FRAS1: variants seen among roughly 807,000 people sequenced by gnomAD.
FRAS1 encodes the protein extracellular matrix organizing protein FRAS1.
In FRAS1, 290 loss-of-function variants were observed where a neutral mutation model predicts 435.2. The observed-to-expected ratio is 0.67, with a 90% CI of 0.61 to 0.73. The LOEUF is 0.73. Among genes scored for constraint, FRAS1 ranks in the 30% least tolerant of loss-of-function variants. FRAS1 has a pLI of 0.00. For missense variants in FRAS1, 4,860 were observed against 5,001.5 expected (o/e 0.97, Z 0.85); for synonymous variants, 1,800 against 1,851.0 (o/e 0.97, Z 0.71).
chr4:78,475,665 C>A (rs1049962294), intron 54 of FRAS1, 59 bp downstream of exon 54: 31 of 1,443,456 alleles, frequency 2.1e-5, no homozygotes, highest in Non-Finnish European at 2.9e-5. Context: ...TGGCTGCAAG[C>A]AATTGTGGCA....
intron 2 of FRAS1, among the ~76,000 whole-genome samples, chr4:78,148,124 T>C (rs1336004781): frequency 1.3e-5 from 2 of 152,156 alleles, no homozygotes; most frequent in Non-Finnish European, 2.9e-5. Context: ...AATGAGGAGT[T>C]ATTTGGGATT....
intron 18 of FRAS1, among the ~76,000 whole-genome samples, chr4:78,328,355 A>G (rs61637745): frequency 0.052 from 7,993 of 152,268 alleles, 369 homozygotes; most frequent in East Asian, 0.27. Context: ...TAGGGATTTT[A>G]GCAATCTTGT....
At chr4:78,115,193 TG>T (rs1743060567) in intron 2 of FRAS1, among the ~76,000 whole-genome samples, 1 of 151,352 alleles carries the variant, frequency 6.6e-6, no homozygotes, top group Non-Finnish European at 1.5e-5. Context: ...TTGATCATGG[TG>T]GATACGCTTA....
Position 78,446,830 on chromosome 4 carries a change from A to G in FRAS1, c.5960A>G (p.Asp1987Gly), listed in dbSNP as rs754114272. 1.1e-5 allele frequency: 18 copies of G among 1,612,716 alleles called. No homozygotes were observed. In the East Asian group the frequency reaches 1.8e-4, roughly 16 times the overall value. ...TCTTCTTTGAGCCTGCAAGACCTGG[A>G]CACCCCAGATAATGAGCTCATTTTT... ...SNSSLSLQDL[D>G]TPDNELIFVL... is the part of the protein sequence containing the mutation. The change falls in exon 43 of 74, where the codon GAC (aspartate) becomes GGC (glycine). Residue 1987 changes from aspartate to glycine, a missense_variant. Coordinates refer to ENST00000512123, the MANE Select transcript of FRAS1 (RefSeq NM_025074.7).
At chr4:78,370,054 T>G in intron 23 of FRAS1, 70 bp downstream of exon 23, 10 of 1,477,196 alleles carry the variant, frequency 6.8e-6, no homozygotes, top group Non-Finnish European at 8.3e-6. Flanking sequence ...GATGTCTAGT[T>G]TTCCATATTG....
chr4:78,225,674 T>C (rs1210898482), intron 2 of FRAS1, among the ~76,000 whole-genome samples: 1 of 152,262 alleles, frequency 6.6e-6, no homozygotes, highest in African/African-American at 2.4e-5. Context: ...TACCATGTGA[T>C]AGATCCTCAG....
At chr4:78,482,026 A>C in intron 57 of FRAS1, 62 bp downstream of exon 57, 1 of 1,537,984 alleles carries the variant, frequency 6.5e-7, no homozygotes, top group Non-Finnish European at 8.9e-7. Flanking sequence ...TGTTGTCTTT[A>C]GTTTGCTTCC....
chr4:78,479,331 G>T, intron 55 of FRAS1, 43 bp from the exon 56 acceptor site: 2 of 1,305,980 alleles, frequency 1.5e-6, no homozygotes, highest in Non-Finnish European at 2.0e-6. Flanking sequence ...AATCTGAGAA[G>T]CACTCATTCA....
chr4:78,143,833 G>A (rs1365568489), intron 2 of FRAS1, among the ~76,000 whole-genome samples: 1 of 149,724 alleles, frequency 6.7e-6, no homozygotes, highest in Non-Finnish European at 1.5e-5. Flanking sequence ...GAGCCCAGGG[G>A]ACAAAGGTTG....
chr4:78,430,249 C>G (rs551451252), intron 36 of FRAS1, 43 bp from the exon 37 acceptor site: 1 of 1,612,494 alleles, frequency 6.2e-7, no homozygotes, highest in East Asian at 2.2e-5. Flanking sequence ...TCGTCTTTAA[C>G]ATACGCTTTC....
chr4:78,122,088 A>G (rs990340010), intron 2 of FRAS1, among the ~76,000 whole-genome samples: 6 of 152,116 alleles, frequency 3.9e-5, no homozygotes, highest in Non-Finnish European at 8.8e-5. Flanking sequence ...TCAACCAGTC[A>G]CCTGCATTAG....
chr4:78,533,020 T>C (rs1301113406), intron 70 of FRAS1, among the ~76,000 whole-genome samples: 2 of 152,208 alleles, frequency 1.3e-5, no homozygotes, highest in Non-Finnish European at 2.9e-5. Flanking sequence ...TGCTGGGTCA[T>C]GTAATAGTTC....
rs1440411797 is a variant in FRAS1 at position 78,413,068 on chromosome 4, G to A, written c.4408G>A (p.Ala1470Thr). The change falls in exon 32 of 74, where the codon GCA becomes ACA. Residue 1470 changes from alanine (A) to threonine (T), a missense_variant. Coordinates refer to ENST00000512123, the MANE Select transcript of FRAS1 (RefSeq NM_025074.7). The part of the protein sequence containing the change: ...TPEAPKVSLE[A>T]SLHMTAREDG... Reference sequence around the variant, plus strand: ...TGAAGCACCTAAAGTGTCTCTGGAAGCATCTCTCCATATGACTGTGAGTTG... The same window carrying A: ...TGAAGCACCTAAAGTGTCTCTGGAAACATCTCTCCATATGACTGTGAGTTG... 2 of 1,605,398 alleles carry A rather than the reference G, an allele frequency of 1.2e-6. No individual in the cohort carries two copies. The highest frequency in any genetic ancestry group is 2.2e-5 in the South Asian group (2 of 89,552).
At chr4:78,146,273 T>C (rs1720418403) in intron 2 of FRAS1, among the ~76,000 whole-genome samples, 1 of 152,184 alleles carries the variant, frequency 6.6e-6, no homozygotes, top group South Asian at 2.1e-4. Flanking sequence ...TACTTTTAGC[T>C]CTTCCTTTGG....
intron 29 of FRAS1, among the ~76,000 whole-genome samples, chr4:78,389,917 G>A (rs1404343522): frequency 6.6e-6 from 1 of 152,154 alleles, no homozygotes; most frequent in African/African-American, 2.4e-5. Flanking sequence ...TGTGAGTCAT[G>A]TAGGTATTTT....
intron 2 of FRAS1, among the ~76,000 whole-genome samples, chr4:78,204,725 A>G (rs1383809938): frequency 2.0e-5 from 3 of 152,152 alleles, no homozygotes; most frequent in Non-Finnish European, 2.9e-5. Flanking sequence ...ACTCTGAACT[A>G]TTTGGATTGT....
chr4:78,417,403 T>C (rs1733594216), intron 32 of FRAS1, among the ~76,000 whole-genome samples: 1 of 152,220 alleles, frequency 6.6e-6, no homozygotes, highest in Admixed American at 6.5e-5. Context: ...CCAAACAAGG[T>C]ACAGAGCCTA....
At chr4:78,405,214 A>G (rs1265099863) in intron 30 of FRAS1, among the ~76,000 whole-genome samples, 1 of 152,186 alleles carries the variant, frequency 6.6e-6, no homozygotes, top group African/African-American at 2.4e-5. Context: ...TTGCTTTTTT[A>G]TCATAAAAGC....
At chr4:78,269,198 G>A (rs1243189944) in intron 9 of FRAS1, among the ~76,000 whole-genome samples, 1 of 152,204 alleles carries the variant, frequency 6.6e-6, no homozygotes, top group Non-Finnish European at 1.5e-5. Context: ...GTGATAAAAA[G>A]ATGAATAAGG....
Sources: gnomAD v4.1 joint callset for allele counts (sites outside exome capture counted in the v4.1 genomes callset) on GRCh38, gnomAD v4.1.1 for gene constraint, MANE v1.5 for transcripts, NCBI Gene and HGNC (gene_info 2026-07-23, HGNC 2026-07-21) for gene names.